The following GNG2 variants were observed in gnomAD, a reference collection of about 807,000 sequenced individuals.
GNG2 encodes G protein subunit gamma 2, also known as guanine nucleotide-binding protein G(I)/G(S)/G(O) subunit gamma-2.
GNG2 carries 5 observed loss-of-function variants against 5.5 expected under a neutral mutation model. The observed-to-expected ratio is 0.91, with a 90% CI of 0.48 to 1.92. The LOEUF (loss-of-function observed/expected upper bound fraction) is 1.92, where lower values mean the gene tolerates loss of function less well. Ranked by LOEUF, GNG2 falls within the 30% of genes most tolerant of loss-of-function variation. GNG2 has a pLI of 0.01. For missense variants in GNG2, 55 were observed against 88.4 expected (o/e 0.62, Z 1.52); for synonymous variants, 28 against 32.0 (o/e 0.88, Z 0.42).
chr14:51,891,084 T>C (rs568636375), intron 2 of GNG2, among the ~76,000 whole-genome samples: 2 of 152,314 alleles, frequency 1.3e-5, no homozygotes, highest in African/African-American at 4.8e-5. Context: ...GTAATCCTTG[T>C]TCATGTAGAT....
chr14:51,956,607 C>A (rs1273882559), intron 3 of GNG2, among the ~76,000 whole-genome samples: 1 of 152,170 alleles, frequency 6.6e-6, no homozygotes, highest in African/African-American at 2.4e-5. Context: ...CCAGTATAAT[C>A]TTTGAAATCC....
intron 1 of GNG2, among the ~76,000 whole-genome samples, chr14:51,864,124 A>G (rs914722107): frequency 3.3e-5 from 5 of 152,220 alleles, no homozygotes; most frequent in Admixed American, 2.6e-4. Context: ...CATTCCCACC[A>G]GCAATGAACA....
At chr14:51,870,778 T>C (rs1478594720) in intron 1 of GNG2, among the ~76,000 whole-genome samples, 1 of 152,256 alleles carries the variant, frequency 6.6e-6, no homozygotes, top group Non-Finnish European at 1.5e-5. Context: ...TGCTTCCTAC[T>C]TTGGCATTAT....
chr14:51,834,402 C>T (rs1480647816), intron 2 of GNG2, among the ~76,000 whole-genome samples: 1 of 152,194 alleles, frequency 6.6e-6, no homozygotes, highest in Non-Finnish European at 1.5e-5. Flanking sequence ...GAGGTCAGAG[C>T]CACATGGAAA....
At chr14:51,896,956 A>G (rs895899041) in intron 2 of GNG2, among the ~76,000 whole-genome samples, 9 of 152,252 alleles carry the variant, frequency 5.9e-5, no homozygotes, top group African/African-American at 2.2e-4. Flanking sequence ...TATGAATTAT[A>G]TAATGATGAC....
chr14:51,879,137 T>G (rs1460681351), intron 2 of GNG2, among the ~76,000 whole-genome samples: 2 of 152,228 alleles, frequency 1.3e-5, no homozygotes, highest in East Asian at 3.8e-4. Context: ...AAGAGGTTAT[T>G]TGGCATATTC....
intron 3 of GNG2, among the ~76,000 whole-genome samples, chr14:51,963,781 AAAGAGGATAAT>A (rs1841895953): frequency 6.6e-6 from 1 of 152,240 alleles, no homozygotes; most frequent in Non-Finnish European, 1.5e-5. Context: ...TCATCTATAA[AAAGAGGATAAT>A]AATTCTTACC....
chr14:51,874,884 A>C (rs995370627), intron 1 of GNG2, among the ~76,000 whole-genome samples: 2 of 152,254 alleles, frequency 1.3e-5, no homozygotes, highest in Non-Finnish European at 2.9e-5. Flanking sequence ...GAAAGAAGAT[A>C]CATGTTTCCC....
At position 51,831,535 on chromosome 14, in the gene GNG2, A is replaced by C. The variant is rs754518719; in HGVS notation, c.64+3728A>C. 2.6e-5 allele frequency among the ~76,000 whole-genome samples: 4 copies of C among 152,370 alleles called. No individual in the cohort carries two copies. The South Asian group carries it at 6.2e-4, about 24-fold the overall frequency. ...GTATCAGAAACCACAAGCAATAGGG[A>C]GAACTATGGTAATAAAAAGGGGTCA... is the stretch of plus-strand genomic sequence containing the variant. On this transcript the variant is annotated intron_variant, in intron 2 of 3. Coordinates refer to the GNG2 transcript ENST00000553432.
At chr14:51,946,272 G>A (rs1267585439) in intron 2 of GNG2, among the ~76,000 whole-genome samples, 1 of 152,122 alleles carries the variant, frequency 6.6e-6, no homozygotes, top group Admixed American at 6.5e-5. Context: ...GTCTATTGTG[G>A]ACCACGGTCA....
chr14:51,905,693 C>T (rs1314536065), intron 2 of GNG2, among the ~76,000 whole-genome samples: 1 of 152,164 alleles, frequency 6.6e-6, no homozygotes, highest in Non-Finnish European at 1.5e-5. Context: ...CAAATCTCAT[C>T]TTGAGTTGTA....
intron 2 of GNG2, among the ~76,000 whole-genome samples, chr14:51,834,676 T>C (rs1881285909): frequency 6.6e-6 from 1 of 152,206 alleles, no homozygotes; most frequent in African/African-American, 2.4e-5. Context: ...AGGAGAATCC[T>C]TTCCATGAGT....
intron 3 of GNG2, among the ~76,000 whole-genome samples, chr14:51,958,990 A>C (rs995382233): frequency 2.0e-5 from 3 of 152,112 alleles, no homozygotes; most frequent in Non-Finnish European, 2.9e-5. Context: ...ATCTTATTTG[A>C]TGTCTTGGCA....
At chr14:51,839,398 G>A (rs1051156465) in intron 2 of GNG2, among the ~76,000 whole-genome samples, 4 of 152,174 alleles carry the variant, frequency 2.6e-5, no homozygotes, top group African/African-American at 9.7e-5. Flanking sequence ...GGATGACTTC[G>A]AGTTCTGTCT....
At chr14:51,874,519 C>T (rs1412429801) in intron 1 of GNG2, among the ~76,000 whole-genome samples, 1 of 151,674 alleles carries the variant, frequency 6.6e-6, no homozygotes, top group Non-Finnish European at 1.5e-5. Flanking sequence ...ATTGCTTGAC[C>T]CCTGAGTTTG....
chr14:51,917,530 C>A, intron 2 of GNG2: 1 of 423,962 alleles, frequency 2.4e-6, no homozygotes, highest in Admixed American at 2.6e-5. Context: ...TAACTTCCAG[C>A]AAATAGCATA....
chr14:51,854,824 T>A (rs1458946918), intron 2 of GNG2, among the ~76,000 whole-genome samples: 1 of 152,168 alleles, frequency 6.6e-6, no homozygotes, highest in African/African-American at 2.4e-5. Flanking sequence ...GCCGTGGCTC[T>A]TTCTTACCTA....
rs1321167465 is a variant in GNG2, at chr14:51,966,223, A to AAAC, written c.88-334_88-333insCAA. On this transcript the variant is annotated intron_variant, in intron 3 of 3. Coordinates refer to ENST00000556766, the MANE Select transcript of GNG2 (RefSeq NM_053064.5). ...AGACTGCATCTCAAAAAAAAAAAAA[A>AAAC]AAAAAAAAAAAAAACAAATGAAGGA... Among the ~76,000 whole-genome samples the AAAC allele has an allele frequency of 2.4e-4, 36 of 148,350 alleles. 1 individual carries two copies. The highest frequency in any genetic ancestry group is 8.6e-4 in the African/African-American group (35 of 40,498).
intron 2 of GNG2, among the ~76,000 whole-genome samples, chr14:51,895,469 C>G (rs1885132146): frequency 1.3e-5 from 2 of 152,118 alleles, no homozygotes; most frequent in South Asian, 2.1e-4. Flanking sequence ...GAGAAAGATG[C>G]CAAGATGTTT....
Sources: allele counts gnomAD v4.1 joint callset (sites outside exome capture counted in the v4.1 genomes callset), GRCh38; gene constraint gnomAD v4.1.1; transcripts MANE v1.5; gene names NCBI Gene and HGNC (gene_info 2026-07-23, HGNC 2026-07-21).